Variants in NLGN1 observed in about 807,000 individuals in gnomAD.
NLGN1 encodes the protein neuroligin-1.
Under a neutral mutation model 65.5 loss-of-function variants are expected in NLGN1, and 12 were observed. The observed-to-expected ratio is 0.18, with a 90% CI of 0.12 to 0.30. NLGN1 has a LOEUF of 0.30. NLGN1 is among the 10% of genes least tolerant of loss of function. The pLI, the probability that NLGN1 is intolerant of heterozygous loss-of-function variation, is 1.00. For missense variants in NLGN1, 750 were observed against 1,007.1 expected, an observed-to-expected ratio of 0.74 and a Z score of 3.46; for synonymous variants, 350 against 359.5, an observed-to-expected ratio of 0.97 and a Z score of 0.30.
intron 4 of NLGN1, among the ~76,000 whole-genome samples, chr3:174,267,548 A>G (rs1407087690): frequency 6.6e-6 from 1 of 152,128 alleles, no homozygotes; most frequent in Non-Finnish European, 1.5e-5. Flanking sequence ...ATTCTAGACC[A>G]GTATTCTGGG....
chr3:173,785,682 A>G (rs1391311547), intron 3 of NLGN1, among the ~76,000 whole-genome samples: 1 of 152,140 alleles, frequency 6.6e-6, no homozygotes, highest in African/African-American at 2.4e-5. Flanking sequence ...GTTTATATAT[A>G]TATATATGTA....
chr3:174,175,069 A>G (rs889690981), intron 4 of NLGN1, among the ~76,000 whole-genome samples: 1 of 152,018 alleles, frequency 6.6e-6, no homozygotes, highest in East Asian at 1.9e-4. Flanking sequence ...GACTTAACAC[A>G]TAGTCTATCT....
At chr3:174,024,323 A>G (rs993787272) in intron 4 of NLGN1, among the ~76,000 whole-genome samples, 11 of 152,108 alleles carry the variant, frequency 7.2e-5, no homozygotes, top group African/African-American at 1.9e-4. Context: ...GGCAACCAAG[A>G]ACTTTGCCCA....
chr3:173,674,221 T>C (rs1158730770), intron 3 of NLGN1, among the ~76,000 whole-genome samples: 4 of 152,158 alleles, frequency 2.6e-5, no homozygotes, highest in Admixed American at 1.3e-4. Flanking sequence ...TGTAGACTTT[T>C]GACAGATTTA....
chr3:174,281,471 CAAATCAA>C, exon 7 of NLGN1: 2 of 527,320 alleles, frequency 3.8e-6, no homozygotes, highest in East Asian at 3.0e-5. Context: ...TGTATATATA[CAAATCAA>C]CTTTAAAAAC....
chr3:174,114,453 C>T (rs1715915405), intron 4 of NLGN1, among the ~76,000 whole-genome samples: 1 of 152,030 alleles, frequency 6.6e-6, no homozygotes, highest in Admixed American at 6.6e-5. Flanking sequence ...TTTCAAAACT[C>T]CCGGAAGTGC....
At chr3:174,095,202 G>A (rs1401290457) in intron 4 of NLGN1, among the ~76,000 whole-genome samples, 3 of 150,370 alleles carry the variant, frequency 2.0e-5, no homozygotes, top group African/African-American at 7.3e-5. Flanking sequence ...CCTTGTACCT[G>A]TGGAAGAAAT....
intron 4 of NLGN1, among the ~76,000 whole-genome samples, chr3:173,984,396 G>A (rs1719445158): frequency 1.3e-5 from 2 of 152,130 alleles, no homozygotes; most frequent in Admixed American, 6.6e-5. Context: ...TCTACAAAAT[G>A]CTAATTCATT....
chr3:173,694,637 A>G (rs950004867), intron 3 of NLGN1, among the ~76,000 whole-genome samples: 1 of 152,120 alleles, frequency 6.6e-6, no homozygotes, highest in African/African-American at 2.4e-5. Context: ...AAAACTTGTC[A>G]TTTTTTCATA....
At chr3:173,414,783 G>A (rs1047817632) in intron 1 of NLGN1, among the ~76,000 whole-genome samples, 3 of 152,182 alleles carry the variant, frequency 2.0e-5, no homozygotes, top group Non-Finnish European at 4.4e-5. Flanking sequence ...ATTTGGAGGA[G>A]CAGGACCACG....
intron 4 of NLGN1, among the ~76,000 whole-genome samples, chr3:174,255,435 C>CAAAAAAAAAAAAAAA (rs71162383): frequency 5.7e-5 from 4 of 70,232 alleles, no homozygotes; most frequent in African/African-American, 3.1e-4. Context: ...GACTCTGTCT[C>CAAAAAAAAAAAAAAA]AAAAAAAAAA....
chr3:174,270,257 T>C (rs1158621829), intron 4 of NLGN1, among the ~76,000 whole-genome samples: 1 of 151,372 alleles, frequency 6.6e-6, no homozygotes, highest in Non-Finnish European at 1.5e-5. Flanking sequence ...CTGAAATTCT[T>C]AATCTATATT....
intron 3 of NLGN1, among the ~76,000 whole-genome samples, chr3:173,684,614 C>T (rs1764426922): frequency 6.6e-6 from 1 of 152,206 alleles, no homozygotes; most frequent in Admixed American, 6.5e-5. Context: ...GGTCCCACTA[C>T]ATCTCTAAGC....
At chr3:173,762,894 C>G (rs1778192040) in intron 3 of NLGN1, among the ~76,000 whole-genome samples, 2 of 151,100 alleles carry the variant, frequency 1.3e-5, no homozygotes, top group Non-Finnish European at 2.9e-5. Context: ...TCGTATGATA[C>G]TTTAGGGCAT....
intron 3 of NLGN1, among the ~76,000 whole-genome samples, chr3:173,636,861 G>T (rs1560087836): frequency 1.3e-5 from 2 of 152,112 alleles, no homozygotes; most frequent in Non-Finnish European, 1.5e-5. Context: ...TAAACATAAA[G>T]AATTAGAATG....
At chr3:174,286,788 A>G (rs1752172442), downstream of NLGN1, 1 of 151,540 alleles carries the variant, frequency 6.6e-6, no homozygotes, top group Non-Finnish European at 1.5e-5. Context: ...AAACAATGAC[A>G]TTTTATGATC....
At chr3:174,008,182 C>T (rs1194451128) in intron 4 of NLGN1, among the ~76,000 whole-genome samples, 2 of 152,056 alleles carry the variant, frequency 1.3e-5, no homozygotes, top group African/African-American at 4.8e-5. Context: ...TTCATTTCTG[C>T]CAGGCAAATG....
At chr3:173,423,434 C>A (rs1453648472) in intron 1 of NLGN1, among the ~76,000 whole-genome samples, 5 of 152,148 alleles carry the variant, frequency 3.3e-5, no homozygotes, top group African/African-American at 1.2e-4. Flanking sequence ...GCAAGTCCCT[C>A]CTGCCTATGA....
Position 174,107,013 on chromosome 3 carries a change from CACACAGAGAGAGAG to C in NLGN1, c.647-168300_647-168287del, listed in dbSNP as rs1212151347. Among the ~76,000 whole-genome samples the C allele has an allele frequency of 2.8e-3, 280 of 100,552 alleles. 1 individual carries two copies. The highest frequency in any genetic ancestry group is 0.013 in the African/African-American group (263 of 20,314). 66.0% of individuals were successfully genotyped at this position (100,552 alleles called of 152,430 possible). A position where few individuals can be genotyped will look rare whatever the true frequency, so the allele number is the denominator to read the frequency against. Reference sequence around the variant, plus strand: ...ACACACACACACACACACACACACACACACAGAGAGAGAGAGAGAGAGAGAGAGAGAGAGAGAGA... The same window carrying C: ...ACACACACACACACACACACACACACAGAGAGAGAGAGAGAGAGAGAGAGA... On this transcript the variant is annotated intron_variant, in intron 4 of 6. Transcript: ENST00000457714.
Sources: gnomAD v4.1 joint callset for allele counts (sites outside exome capture counted in the v4.1 genomes callset) on GRCh38, gnomAD v4.1.1 for gene constraint, MANE v1.5 for transcripts, NCBI Gene and HGNC (gene_info 2026-07-23, HGNC 2026-07-21) for gene names.